PRCP: variants seen among roughly 807,000 people sequenced by gnomAD.
PRCP encodes the protein prolylcarboxypeptidase.
Under a neutral mutation model 54.2 loss-of-function variants are expected in PRCP, and 46 were observed. The ratio of observed to expected loss-of-function variants is 0.85; its 90% CI spans 0.67 to 1.09. The LOEUF is 1.09. Ranked by LOEUF, PRCP falls within the 50% of genes least tolerant of loss-of-function variation. The pLI is 0.00. For missense variants in PRCP, 613 were observed against 596.8 expected (o/e 1.03, Z -0.28); for synonymous variants, 240 against 212.2 (o/e 1.13, Z -1.14).
intron 8 of PRCP, among the ~76,000 whole-genome samples, chr11:82,837,723 T>C (rs138511790): frequency 9.7e-4 from 147 of 152,278 alleles, no homozygotes; most frequent in African/African-American, 3.4e-3. Flanking sequence ...CCCAGTCAGA[T>C]ACACATGGAG....
At chr11:82,901,576 G>C (rs1265656627), upstream of PRCP, 2 of 152,502 alleles carry the variant, frequency 1.3e-5, no homozygotes, top group African/African-American at 4.8e-5. Flanking sequence ...TCCACCTGTC[G>C]GGGAGAAAGA....
At chr11:82,875,165 A>G (rs149320246) in intron 1 of PRCP, among the ~76,000 whole-genome samples, 1 of 152,312 alleles carries the variant, frequency 6.6e-6, no homozygotes, top group East Asian at 1.9e-4. Flanking sequence ...GAGGAACCCT[A>G]TGGAGTAGAG....
chr11:82,834,269 G>C (rs1858464169), intron 8 of PRCP, among the ~76,000 whole-genome samples: 1 of 152,124 alleles, frequency 6.6e-6, no homozygotes, highest in African/African-American at 2.4e-5. Context: ...CAGTGCTAGT[G>C]GACTAAGACA....
chr11:82,838,737 C>T (rs1214824012), intron 7 of PRCP, among the ~76,000 whole-genome samples, 163 bp from the exon 8 acceptor site: 1 of 152,186 alleles, frequency 6.6e-6, no homozygotes, highest in Non-Finnish European at 1.5e-5. Flanking sequence ...TATAATCTCT[C>T]ATTATTCTTA....
At chr11:82,849,278 G>T in intron 5 of PRCP, 60 bp from the exon 6 acceptor site, 2 of 1,538,454 alleles carry the variant, frequency 1.3e-6, no homozygotes, top group Non-Finnish European at 1.8e-6. Context: ...TGTCTTTACA[G>T]ATCATTTATT....
Position 82,824,445 on chromosome 11 carries a change from C to A in PRCP, c.*461G>T. ...GTACAAAAGAAATGGCTCTCACTTC[C>A]TGGATTGGCACCAGACATCCTACCA... On this transcript the variant is annotated 3_prime_UTR_variant, in exon 9 of 9. Coordinates refer to ENST00000313010, the MANE Select transcript of PRCP (RefSeq NM_005040.4). The A allele has an allele frequency of 5.6e-6, 1 of 179,072 alleles. No individual in the cohort carries two copies. Among genetic ancestry groups the A allele is most frequent in the Non-Finnish European group, 1.2e-5 (1 of 84,446 alleles). The allele number at this position is 179,072 out of a possible 1,614,324, so 11.1% of individuals were successfully genotyped here.
intron 1 of PRCP, among the ~76,000 whole-genome samples, chr11:82,892,132 T>C (rs1439750831): frequency 2.6e-5 from 4 of 152,196 alleles, no homozygotes; most frequent in African/African-American, 7.2e-5. Flanking sequence ...GTTTTGTTAC[T>C]ACTGCTTAGA....
At chr11:82,879,416 G>C (rs1162983017) in intron 1 of PRCP, among the ~76,000 whole-genome samples, 1 of 152,178 alleles carries the variant, frequency 6.6e-6, no homozygotes, top group Non-Finnish European at 1.5e-5. Context: ...GTTTATTCTA[G>C]TTAGCCATTC....
chr11:82,896,282 T>C (rs1275280654), intron 1 of PRCP, among the ~76,000 whole-genome samples: 1 of 152,172 alleles, frequency 6.6e-6, no homozygotes, highest in African/African-American at 2.4e-5. Flanking sequence ...CAAATATCAT[T>C]CTAGATGTTT....
intron 1 of PRCP, among the ~76,000 whole-genome samples, chr11:82,874,193 G>A (rs1177296914): frequency 2.0e-5 from 3 of 152,118 alleles, no homozygotes; most frequent in East Asian, 3.9e-4. Context: ...TTGCCACCAC[G>A]ACACCAGATA....
At chr11:82,847,566 GATTTAGTTTTTCCCT>G (rs1273982628) in intron 6 of PRCP, among the ~76,000 whole-genome samples, 1 of 152,134 alleles carries the variant, frequency 6.6e-6, no homozygotes, top group Admixed American at 6.5e-5. Context: ...AACTAGTTTA[GATTTAGTTTTTCCCT>G]ATCATTTTGA....
chr11:82,864,554 C>A (rs1285856217), intron 1 of PRCP, among the ~76,000 whole-genome samples: 2 of 152,302 alleles, frequency 1.3e-5, no homozygotes, highest in East Asian at 3.9e-4. Flanking sequence ...TAGCCATGGT[C>A]ACAAGGCAGA....
chr11:82,831,880 C>T (rs143418863), intron 8 of PRCP, among the ~76,000 whole-genome samples: 1 of 152,098 alleles, frequency 6.6e-6, no homozygotes, highest in South Asian at 2.1e-4. Context: ...ACCCTCACCC[C>T]CCGACAGGCC....
chr11:82,872,856 A>G (rs906741558), intron 1 of PRCP, among the ~76,000 whole-genome samples: 5 of 152,206 alleles, frequency 3.3e-5, no homozygotes, highest in Non-Finnish European at 5.9e-5. Context: ...GGAGCCAGAC[A>G]AAGAAAGAAC....
chr11:82,838,404 G>T lies in PRCP; in HGVS notation c.1257C>A (p.His419Gln). Reference sequence around the variant, plus strand: ...AAACTCACCTGAAAACAATGTTTGTGTGTGAACTAATGTTTTTGCCTCCAT... The same window carrying T: ...AAACTCACCTGAAAACAATGTTTGTTTGTGAACTAATGTTTTTGCCTCCAT... Reference protein sequence around the residue: ...TMYGGKNISSHTNIVFSNGEL... With the variant: ...TMYGGKNISSQTNIVFSNGEL... The change falls in exon 8 of 9, where the codon CAC becomes CAA. Residue 419 changes from histidine (H) to glutamine (Q), a missense_variant. Physicochemically the swap from His to Gln is conservative, Grantham distance 24 (BLOSUM62 0). Coordinates refer to ENST00000313010, the MANE Select transcript of PRCP (RefSeq NM_005040.4). The T allele has an allele frequency of 6.2e-7, 1 of 1,609,950 alleles. No individual in the cohort carries two copies. Among genetic ancestry groups the T allele is most frequent in the Non-Finnish European group, 8.5e-7 (1 of 1,178,484 alleles).
At position 82,850,034 on chromosome 11, in the gene PRCP, C is replaced by CTGT; in HGVS notation, c.630_631insACA (p.Glu210_Asp211insThr). 1 of 1,465,734 alleles carries CTGT rather than the reference C, an allele frequency of 6.8e-7. No homozygotes were observed. The highest frequency in any genetic ancestry group is 9.1e-7 in the Non-Finnish European group (1 of 1,103,096). 90.8% of individuals were successfully genotyped at this position (1,465,734 alleles called of 1,614,324 possible). On this transcript the variant is annotated inframe_insertion, in exon 5 of 9. Transcript: ENST00000313010. Reference sequence around the variant, plus strand: ...ATAAATACACCACAAGGTACTAAATCCTCAAACTGCCAGATAGGGGCAGAA... The same window carrying CTGT: ...ATAAATACACCACAAGGTACTAAATCTGTCTCAAACTGCCAGATAGGGGCAGAA...
At chr11:82,858,830 T>C (rs1859147834) in intron 2 of PRCP, 1 of 152,214 alleles carries the variant, frequency 6.6e-6, no homozygotes, top group South Asian at 2.1e-4. Context: ...ATCTGATTTC[T>C]CTTGTCACTG....
chr11:82,828,484 C>T (rs1591032818), intron 8 of PRCP: 1 of 152,140 alleles, frequency 6.6e-6, no homozygotes, highest in Non-Finnish European at 1.5e-5. Flanking sequence ...TCACTTTCCC[C>T]TTGAATGGTA....
At chr11:82,887,565 T>A (rs111566690) in intron 1 of PRCP, among the ~76,000 whole-genome samples, 2,023 of 152,300 alleles carry the variant, frequency 0.013, 39 homozygotes, top group African/African-American at 0.046. Context: ...CAAAGTATTG[T>A]TCCTTGGGAG....
Sources: allele counts gnomAD v4.1 joint callset (sites outside exome capture counted in the v4.1 genomes callset), GRCh38; gene constraint gnomAD v4.1.1; transcripts MANE v1.5; gene names NCBI Gene and HGNC (gene_info 2026-07-23, HGNC 2026-07-21).